Variants in AOPEP observed in about 807,000 individuals in gnomAD.
The protein encoded by AOPEP is aminopeptidase O.
AOPEP carries 77 observed loss-of-function variants against 98.1 expected under a neutral mutation model. That is an observed-to-expected ratio of 0.78 (90% CI 0.65 to 0.95). The LOEUF (loss-of-function observed/expected upper bound fraction) is 0.95, where lower values mean the gene tolerates loss of function less well. AOPEP is among the 40% of genes least tolerant of loss of function. The pLI, the probability that AOPEP is intolerant of heterozygous loss-of-function variation, is 0.00. For synonymous variants in AOPEP, 346 were observed against 365.3 expected, an observed-to-expected ratio of 0.95 and a Z score of 0.60; for missense variants, 1,024 against 1,024.7, an observed-to-expected ratio of 1.00 and a Z score of 0.01.
At chr9:94,870,720 G>C (rs1293526682) in intron 5 of AOPEP, among the ~76,000 whole-genome samples, 2 of 152,224 alleles carry the variant, frequency 1.3e-5, no homozygotes, top group Non-Finnish European at 2.9e-5. Context: ...GGATAGTGAA[G>C]ATATAAGTTG....
chr9:95,101,781 G>A, the AOPEP span: 37 of 1,614,128 alleles, frequency 2.3e-5, no homozygotes, highest in African/African-American at 1.9e-4. Flanking sequence ...ATGCCAAGAC[G>A]ATTCCATCTG....
the AOPEP span, chr9:95,124,940 C>A: frequency 6.9e-6 from 5 of 729,432 alleles, no homozygotes; most frequent in Non-Finnish European, 1.2e-5. Context: ...AATGGCTTAA[C>A]CTTTGTTGGG....
At chr9:94,965,842 G>A (rs967913933) in intron 9 of AOPEP, among the ~76,000 whole-genome samples, 2 of 151,774 alleles carry the variant, frequency 1.3e-5, no homozygotes, top group Non-Finnish European at 2.9e-5. Context: ...TCGGTCTGCA[G>A]TTCGCTGGGT....
At chr9:94,831,507 CT>C (rs1201309293) in intron 5 of AOPEP, among the ~76,000 whole-genome samples, 5 of 151,982 alleles carry the variant, frequency 3.3e-5, no homozygotes, top group African/African-American at 1.2e-4. Context: ...AGCTTTCTTC[CT>C]TTTGCTTAGG....
chr9:95,030,334 T>TA (rs145294838), intron 13 of AOPEP, among the ~76,000 whole-genome samples: 3 of 152,230 alleles, frequency 2.0e-5, no homozygotes, highest in Non-Finnish European at 4.4e-5. Context: ...GGCTACTTTT[T>TA]AAAAAAATAA....
At chr9:95,066,661 T>C (rs2067926725) in intron 14 of AOPEP, among the ~76,000 whole-genome samples, 1 of 152,128 alleles carries the variant, frequency 6.6e-6, no homozygotes, top group Admixed American at 6.5e-5. Context: ...CCTCTGAAGA[T>C]GTGAGGGCCT....
chr9:95,096,224 T>A, the AOPEP span, among the ~76,000 whole-genome samples: 1 of 152,164 alleles, frequency 6.6e-6, no homozygotes, highest in Admixed American at 6.5e-5. Context: ...TTATACTAAA[T>A]TCTGTACATG....
intron 11 of AOPEP, among the ~76,000 whole-genome samples, chr9:95,000,654 G>A (rs2061502845): frequency 6.6e-6 from 1 of 152,126 alleles, no homozygotes; most frequent in Non-Finnish European, 1.5e-5. Context: ...GTTGCAGTGA[G>A]CCAAGATTGC....
chr9:94,764,093 T>G (rs1355625525), intron 2 of AOPEP, among the ~76,000 whole-genome samples: 2 of 152,184 alleles, frequency 1.3e-5, no homozygotes, highest in Non-Finnish European at 2.9e-5. Flanking sequence ...AGCAAGATGA[T>G]CAAGGTCAAT....
chr9:94,993,747 G>A (rs2061043796), intron 11 of AOPEP, among the ~76,000 whole-genome samples: 1 of 152,092 alleles, frequency 6.6e-6, no homozygotes, highest in South Asian at 2.1e-4. Flanking sequence ...CCTTGACTTT[G>A]CAATATGACA....
chr9:95,102,069 A>T, the AOPEP span, among the ~76,000 whole-genome samples: 1 of 152,182 alleles, frequency 6.6e-6, no homozygotes, highest in Non-Finnish European at 1.5e-5. Context: ...CCATTTCCTA[A>T]CGAGCCTCCT....
At chr9:95,014,165 C>T (rs965239435) in intron 13 of AOPEP, among the ~76,000 whole-genome samples, 1 of 152,146 alleles carries the variant, frequency 6.6e-6, no homozygotes, top group African/African-American at 2.4e-5. Context: ...AAAACCTTAT[C>T]TCTACCAAAT....
At chr9:94,996,452 C>G (rs1284073548) in intron 11 of AOPEP, among the ~76,000 whole-genome samples, 1 of 151,136 alleles carries the variant, frequency 6.6e-6, no homozygotes, top group Non-Finnish European at 1.5e-5. Flanking sequence ...CCTCTTGTTG[C>G]AAGTTGTGAC....
At chr9:95,104,350 C>T in the AOPEP span, among the ~76,000 whole-genome samples, 6 of 152,340 alleles carry the variant, frequency 3.9e-5, no homozygotes, top group African/African-American at 7.2e-5. Context: ...AGTGCATGAG[C>T]GCCACACTGG....
chr9:95,066,357 A>G (rs1392977984), intron 14 of AOPEP, among the ~76,000 whole-genome samples: 1 of 152,224 alleles, frequency 6.6e-6, no homozygotes, highest in East Asian at 1.9e-4. Context: ...AAAATCACAA[A>G]GAACTTTCTT....
intron 3 of AOPEP, among the ~76,000 whole-genome samples, chr9:94,775,700 G>C (rs1751434): frequency 0.68 from 103,148 of 151,060 alleles, 35,905 homozygotes; most frequent in African/African-American, 0.84. Flanking sequence ...TTTAGGCTGG[G>C]ACAGTGGCTC....
intron 1 of AOPEP, among the ~76,000 whole-genome samples, chr9:94,736,579 A>T (rs1162009682): frequency 6.6e-6 from 1 of 152,178 alleles, no homozygotes; most frequent in Non-Finnish European, 1.5e-5. Context: ...TATTAGTTCT[A>T]ATAGAGTTTA....
chr9:95,085,941 G>C (rs896579262), intron 16 of AOPEP: 6 of 1,317,244 alleles, frequency 4.6e-6, no homozygotes, highest in South Asian at 1.2e-5. Flanking sequence ...CCAGGCCTTC[G>C]CGTCTCCTGC....
intron 7 of AOPEP, among the ~76,000 whole-genome samples, chr9:94,937,364 A>G (rs556799854): frequency 3.2e-4 from 48 of 152,236 alleles, no homozygotes; most frequent in Non-Finnish European, 6.5e-4. Flanking sequence ...CTGCGTGTGC[A>G]TGTCCCTCGT....
Sources: allele counts gnomAD v4.1 joint callset (sites outside exome capture counted in the v4.1 genomes callset), GRCh38; gene constraint gnomAD v4.1.1; transcripts MANE v1.5; gene names NCBI Gene and HGNC (gene_info 2026-07-23, HGNC 2026-07-21).